HELB: variants seen among roughly 807,000 people sequenced by gnomAD.
HELB encodes the protein DNA helicase B.
HELB carries 96 observed loss-of-function variants against 101.7 expected under a neutral mutation model. That is an observed-to-expected ratio of 0.94 (90% CI 0.80 to 1.12). HELB has a LOEUF of 1.12. Among genes scored for constraint, HELB ranks in the 50% most tolerant of loss-of-function variants. The probability of loss-of-function intolerance (pLI) is 0.00; values close to 1 mark genes in which losing one functional copy is unlikely to be tolerated. For missense variants in HELB, 1,210 were observed against 1,291.9 expected, an observed-to-expected ratio of 0.94 and a Z score of 0.97; for synonymous variants, 437 against 459.7, an observed-to-expected ratio of 0.95 and a Z score of 0.63.
At chr12:66,318,458 TA>T (rs1421875190) in intron 6 of HELB, among the ~76,000 whole-genome samples, 179 bp from the exon 7 acceptor site, 1 of 152,284 alleles carries the variant, frequency 6.6e-6, no homozygotes, top group East Asian at 1.9e-4. Flanking sequence ...TGTAGTACCA[TA>T]AGTTTATTGT....
Position 66,302,519 on chromosome 12 carries a change from T to G in HELB, c.-85T>G, listed in dbSNP as rs943672627. The G allele has an allele frequency of 1.9e-5, 24 of 1,284,218 alleles. No homozygotes were observed. The highest frequency in any genetic ancestry group is 2.6e-5 in the Non-Finnish European group (24 of 927,438). The allele number at this position is 1,284,218 out of a possible 1,614,324, so 79.6% of individuals were successfully genotyped here. A position where few individuals can be genotyped will look rare whatever the true frequency, so the allele number is the denominator to read the frequency against. Reference sequence around the variant, plus strand: ...GGCCGTTCCCGGAAGTTGATGGCCTTACAGTCGTAGAACTGATTGGCTGAT... The same window carrying G: ...GGCCGTTCCCGGAAGTTGATGGCCTGACAGTCGTAGAACTGATTGGCTGAT... On this transcript the variant is annotated 5_prime_UTR_variant, in exon 1 of 13. The change creates a premature stop within an existing upstream ORF in the 5' untranslated region. Transcript: ENST00000247815.
chr12:66,336,634 G>A (rs1056554192), intron 12 of HELB, among the ~76,000 whole-genome samples: 3 of 152,154 alleles, frequency 2.0e-5, no homozygotes, highest in African/African-American at 4.8e-5. Context: ...TATGGATATG[G>A]CACAGGGAAA....
At position 66,303,105 on chromosome 12, in the gene HELB, T is replaced by A. The variant is rs141619160; in HGVS notation, c.187+315T>A. Among the ~76,000 whole-genome samples, 292 of 103,312 alleles carry A rather than the reference T, an allele frequency of 2.8e-3. 1 individual carries two copies. The highest frequency in any genetic ancestry group is 0.011 in the African/African-American group (247 of 23,240). 67.8% of individuals were successfully genotyped at this position (103,312 alleles called of 152,430 possible). ...GTTGCCCTTTTTTTTTTTTTTTTTT[T>A]TTAAAATTATTCTCATTTTAATGGT... On this transcript the variant is annotated intron_variant, in intron 1 of 12. Coordinates refer to ENST00000247815, the MANE Select transcript of HELB (RefSeq NM_001370285.1).
downstream of HELB, chr12:66,339,596 T>A (rs2053901780): frequency 6.6e-6 from 1 of 152,272 alleles, no homozygotes; most frequent in Non-Finnish European, 1.5e-5. Flanking sequence ...ACCCCGTCTC[T>A]ACTAAAAATA....
At chr12:66,305,522 A>G (rs1592629401) in intron 2 of HELB, among the ~76,000 whole-genome samples, 2 of 152,332 alleles carry the variant, frequency 1.3e-5, no homozygotes, top group South Asian at 2.1e-4. Context: ...CAGGAGGATC[A>G]CTTGAGCGCA....
At chr12:66,343,120 A>G (rs532456862), downstream of HELB, 1 of 152,294 alleles carries the variant, frequency 6.6e-6, no homozygotes, top group East Asian at 1.9e-4. Context: ...TTTGGCTATT[A>G]TGGGTCCCTA....
Position 66,305,009 on chromosome 12 carries a change from A to C in HELB, c.466A>C (p.Asn156His). 1 of 1,613,860 alleles carries C rather than the reference A, an allele frequency of 6.2e-7. No homozygotes were observed. The highest frequency in any genetic ancestry group is 1.1e-5 in the South Asian group (1 of 90,996). ...TWVKEVSNYK[N>H]LNFENLRETL... is the part of the protein sequence containing the mutation. ...GGTAAAGGAGGTATCAAACTACAAA[A>C]ACCTAAACTTTGAAAATCTTAGGGA... The change falls in exon 2 of 13, where the codon AAC becomes CAC. Residue 156 changes from asparagine to histidine, a missense_variant. Coordinates refer to ENST00000247815, the MANE Select transcript of HELB (RefSeq NM_001370285.1).
chr12:66,325,861 A>T (rs1331703225), intron 11 of HELB, among the ~76,000 whole-genome samples: 1 of 151,980 alleles, frequency 6.6e-6, no homozygotes, highest in Non-Finnish European at 1.5e-5. Context: ...GCAACCTTTT[A>T]TCCCCCCGCC....
chr12:66,328,519 C>T (rs76474603), intron 11 of HELB, among the ~76,000 whole-genome samples: 46 of 151,998 alleles, frequency 3.0e-4, no homozygotes, highest in African/African-American at 9.9e-4. Context: ...GCTCCTAGCC[C>T]GGGTGACAGA....
At chr12:66,308,482 C>G (rs2053503821) in intron 3 of HELB, among the ~76,000 whole-genome samples, 1 of 152,182 alleles carries the variant, frequency 6.6e-6, no homozygotes, top group Non-Finnish European at 1.5e-5. Context: ...AAACTGCTAT[C>G]CAAGTATTGT....
intron 12 of HELB, among the ~76,000 whole-genome samples, chr12:66,332,380 A>G (rs1429985632): frequency 3.3e-5 from 5 of 152,182 alleles, no homozygotes; most frequent in Admixed American, 6.5e-5. Context: ...TCAGTTACCC[A>G]TGGTCAACCG....
rs1472624936 is a variant in HELB, at chr12:66,304,852, A to T, written c.309A>T (p.Gln103His). ...CTGTGGTGGGATCAAGGAGCTATCA[A>T]TATCAAGTTCAAGGATTTCCGTCTT... ...VKPVVGSRSYQYQVQGFPSYF... is the reference protein window; with the variant it reads ...VKPVVGSRSYHYQVQGFPSYF... The change falls in exon 2 of 13, where the codon CAA (glutamine) becomes CAT (histidine). Residue 103 changes from glutamine (Q) to histidine (H), a missense_variant. Physicochemically the swap from Gln to His is conservative, Grantham distance 24 (BLOSUM62 0). Transcript: ENST00000247815. 19 of 1,614,072 alleles carry T rather than the reference A, an allele frequency of 1.2e-5. No homozygotes were observed. The East Asian group carries it at 3.3e-4, about 28-fold the overall frequency.
Position 66,302,725 on chromosome 12 carries a change from T to A in HELB, c.122T>A (p.Phe41Tyr). 1 of 1,614,024 alleles carries A rather than the reference T, an allele frequency of 6.2e-7. No homozygotes were observed. ...GTGGAGGAGGATGAAGAGTCCGTGT[T>A]CATCGACGCCGAGGAGCTCTGCAGT... ...DDVEEDEESV[F>Y]IDAEELCSGG... Residue 41 changes from phenylalanine (F) to tyrosine (Y), a missense_variant, in exon 1 of 13, where the codon TTC (phenylalanine) becomes TAC (tyrosine). Phe to Tyr is a conservative substitution (Grantham distance 22). This residue lies in a region of HELB where 470 missense variants were observed against 563.1 expected (regional missense o/e 0.83). Coordinates refer to ENST00000247815, the MANE Select transcript of HELB (RefSeq NM_001370285.1).
At chr12:66,325,233 A>G in intron 11 of HELB, 107 bp downstream of exon 11, 1 of 714,514 alleles carries the variant, frequency 1.4e-6, no homozygotes. Flanking sequence ...AAAAATTAGG[A>G]AACAAAATAC....
At chr12:66,308,837 T>G (rs1366933483) in intron 3 of HELB, among the ~76,000 whole-genome samples, 1 of 152,154 alleles carries the variant, frequency 6.6e-6, no homozygotes, top group Non-Finnish European at 1.5e-5. Flanking sequence ...AGTCACATTC[T>G]GAGGATATTG....
downstream of HELB, chr12:66,341,805 TC>T (rs2053920256): frequency 6.6e-6 from 1 of 152,218 alleles, no homozygotes; most frequent in Non-Finnish European, 1.5e-5. Context: ...AGTATGGCAC[TC>T]CTGCCCCAAC....
intron 11 of HELB, among the ~76,000 whole-genome samples, chr12:66,328,331 G>A (rs2053765951): frequency 6.6e-6 from 1 of 152,180 alleles, no homozygotes; most frequent in Non-Finnish European, 1.5e-5. Context: ...GGAGGCTGAG[G>A]TGGGCAGGTC....
Position 66,331,210 on chromosome 12 carries a change from G to A in HELB, c.2727G>A (p.Trp909Ter). ...TGGGGAAGGCGGGCCGCCAGCACTG[G>A]CAGCATGTCTACACCGCCGTGACCA... ...YVVGKAGRQH[W>*]QHVYTAVTRG... Residue 909 changes from tryptophan (W) to a stop codon, truncating the protein, a stop_gained, in exon 12 of 13, where the codon TGG becomes TGA. Coordinates refer to ENST00000247815, the MANE Select transcript of HELB (RefSeq NM_001370285.1). LOFTEE classifies it high-confidence loss of function. 1 of 1,613,416 alleles carries A rather than the reference G, an allele frequency of 6.2e-7. No homozygotes were observed. The highest frequency in any genetic ancestry group is 8.5e-7 in the Non-Finnish European group (1 of 1,179,330).
At chr12:66,322,618 G>A (rs1441305354) in intron 8 of HELB, 106 bp from the exon 9 acceptor site, 2 of 606,448 alleles carry the variant, frequency 3.3e-6, no homozygotes, top group African/African-American at 3.9e-5. Context: ...CCTGGAGAAA[G>A]TCTTGGAAAC....
Sources: allele counts gnomAD v4.1 joint callset (sites outside exome capture counted in the v4.1 genomes callset), GRCh38; gene constraint gnomAD v4.1.1; regional missense constraint gnomAD v4.1.1; transcripts MANE v1.5; gene names NCBI Gene and HGNC (gene_info 2026-07-23, HGNC 2026-07-21).